Variants in KLF12 observed in about 807,000 individuals in gnomAD.
The protein encoded by KLF12 is KLF transcription factor 12.
KLF12 carries 9 observed loss-of-function variants against 37.8 expected under a neutral mutation model. That is an observed-to-expected ratio of 0.24 (90% CI 0.14 to 0.42). The LOEUF is 0.42. Ranked by LOEUF, KLF12 falls within the 10% of genes least tolerant of loss-of-function variation. The pLI, the probability that KLF12 is intolerant of heterozygous loss-of-function variation, is 1.00. For missense variants in KLF12, 411 were observed against 516.0 expected (o/e 0.80, Z 1.97); for synonymous variants, 208 against 202.1 (o/e 1.03, Z -0.25).
intron 1 of KLF12, among the ~76,000 whole-genome samples, chr13:74,043,055 T>C (rs894313320): frequency 6.6e-6 from 1 of 152,128 alleles, no homozygotes; most frequent in African/African-American, 2.4e-5. Flanking sequence ...ATAAATAAGA[T>C]CGGACAGACT....
chr13:73,998,490 T>C (rs1336520750), intron 1 of KLF12, among the ~76,000 whole-genome samples: 3 of 152,232 alleles, frequency 2.0e-5, no homozygotes, highest in Non-Finnish European at 2.9e-5. Flanking sequence ...GATATAGTTA[T>C]CTTATTTGGA....
intron 3 of KLF12, among the ~76,000 whole-genome samples, chr13:73,898,654 G>A (rs1887900103): frequency 6.6e-6 from 1 of 152,106 alleles, no homozygotes; most frequent in Non-Finnish European, 1.5e-5. Context: ...GGACAAGGAG[G>A]GGCTTACCCT....
chr13:74,077,481 G>A lies in KLF12; in HGVS notation c.-32+56258C>T, dbSNP rs183577626. ...CTTATAATTAACAGTATAATAATTAGGGGGCAGGGGATGAAATGTGATTAA... is the reference window on the plus strand; with the variant it reads ...CTTATAATTAACAGTATAATAATTAAGGGGCAGGGGATGAAATGTGATTAA... On this transcript the variant is annotated intron_variant, in intron 1 of 7. Coordinates refer to ENST00000377669, the MANE Select transcript of KLF12 (RefSeq NM_007249.5). 2.5e-3 allele frequency among the ~76,000 whole-genome samples: 381 copies of A among 152,192 alleles called. 4 individuals are homozygous for A. Among genetic ancestry groups the A allele is most frequent in the African/African-American group, 8.8e-3 (366 of 41,510 alleles).
At chr13:74,253,102 A>G in the KLF12 span, among the ~76,000 whole-genome samples, 2 of 152,172 alleles carry the variant, frequency 1.3e-5, no homozygotes, top group African/African-American at 4.8e-5. Context: ...ACTGTCATCT[A>G]TCCACCCATT....
chr13:74,201,703 G>A, the KLF12 span, among the ~76,000 whole-genome samples: 1 of 152,136 alleles, frequency 6.6e-6, no homozygotes, highest in African/African-American at 2.4e-5. Flanking sequence ...CAGGAGTTGG[G>A]AAATCCAGGC....
chr13:74,287,388 GA>G, the KLF12 span, among the ~76,000 whole-genome samples: 1 of 151,226 alleles, frequency 6.6e-6, no homozygotes, highest in African/African-American at 2.4e-5. Context: ...GAGAGAGAGA[GA>G]GAGAGAATCC....
chr13:73,714,443 G>C (rs1875643458), intron 7 of KLF12, among the ~76,000 whole-genome samples: 1 of 152,246 alleles, frequency 6.6e-6, no homozygotes, highest in African/African-American at 2.4e-5. Context: ...GAAGCTTCCA[G>C]TCAGTGGCAG....
intron 1 of KLF12, among the ~76,000 whole-genome samples, chr13:74,022,724 C>A (rs957054829): frequency 6.6e-6 from 1 of 151,810 alleles, no homozygotes; most frequent in Non-Finnish European, 1.5e-5. Flanking sequence ...CCTGCACCCA[C>A]CTGCAGTGAC....
At chr13:73,917,430 T>C (rs1888900819) in intron 3 of KLF12, among the ~76,000 whole-genome samples, 1 of 152,172 alleles carries the variant, frequency 6.6e-6, no homozygotes, top group Non-Finnish European at 1.5e-5. Flanking sequence ...TGCTTAGAAA[T>C]CTATTATTTT....
At chr13:74,263,908 G>T in the KLF12 span, among the ~76,000 whole-genome samples, 1 of 152,010 alleles carries the variant, frequency 6.6e-6, no homozygotes, top group Non-Finnish European at 1.5e-5. Context: ...CAATTATTTT[G>T]GGTGCTTTAT....
chr13:73,898,972 G>A (rs1398466375), intron 3 of KLF12, among the ~76,000 whole-genome samples: 1 of 152,210 alleles, frequency 6.6e-6, no homozygotes, highest in Non-Finnish European at 1.5e-5. Flanking sequence ...ATCCAGCCAT[G>A]CCAGGCAACT....
intron 1 of KLF12, among the ~76,000 whole-genome samples, chr13:74,074,748 AG>A (rs769846782): frequency 7.9e-5 from 12 of 152,322 alleles, no homozygotes; most frequent in South Asian, 2.1e-4. Flanking sequence ...TTCATGGAGA[AG>A]GGATACCAAA....
At chr13:73,975,083 T>C in intron 2 of KLF12, among the ~76,000 whole-genome samples, 1 of 152,196 alleles carries the variant, frequency 6.6e-6, no homozygotes, top group East Asian at 1.9e-4. Context: ...ATTATTCCAT[T>C]AGTAAAAGAT....
At position 73,695,306 on chromosome 13, in the gene KLF12, T is replaced by G; in HGVS notation, c.*184A>C. The G allele has an allele frequency of 1.7e-6, 1 of 590,676 alleles. No homozygotes were observed. The highest frequency in any genetic ancestry group is 3.0e-6 in the Non-Finnish European group (1 of 337,974). 36.6% of individuals were successfully genotyped at this position (590,676 alleles called of 1,614,324 possible). A position where few individuals can be genotyped will look rare whatever the true frequency, so the allele number is the denominator to read the frequency against. On this transcript the variant is annotated 3_prime_UTR_variant, in exon 8 of 8. Transcript: ENST00000377669. ...CAGGCCCGGGTAAAGACGGTTCTCGTCTAGTCATGATGGGGGTTACCTTCA... is the reference window on the plus strand; with the variant it reads ...CAGGCCCGGGTAAAGACGGTTCTCGGCTAGTCATGATGGGGGTTACCTTCA...
intron 4 of KLF12, among the ~76,000 whole-genome samples, chr13:73,814,798 A>G (rs1449099833): frequency 6.6e-6 from 1 of 152,070 alleles, no homozygotes; most frequent in Non-Finnish European, 1.5e-5. Flanking sequence ...TAGTGGGCAG[A>G]CGCTAAGGAT....
chr13:74,180,287 T>C, the KLF12 span, among the ~76,000 whole-genome samples: 1 of 152,206 alleles, frequency 6.6e-6, no homozygotes, highest in African/African-American at 2.4e-5. Context: ...TTTAGGGAAA[T>C]GCTTGGTCTG....
chr13:73,744,350 T>G (rs1878216387), intron 6 of KLF12, among the ~76,000 whole-genome samples: 1 of 152,172 alleles, frequency 6.6e-6, no homozygotes, highest in Non-Finnish European at 1.5e-5. Context: ...TACTACCTAT[T>G]GTGAATGTCG....
the KLF12 span, among the ~76,000 whole-genome samples, chr13:74,227,002 CTT>C: frequency 2.6e-5 from 4 of 152,154 alleles, no homozygotes; most frequent in South Asian, 6.2e-4. Context: ...TGCTCAGACT[CTT>C]TGTCTTAATT....
In KLF12 at chr13:73,877,613, G is replaced by C. The variant is rs1297794023; in HGVS notation, c.124-31240C>G. Among the ~76,000 whole-genome samples, 3 of 152,290 alleles carry C rather than the reference G, an allele frequency of 2.0e-5. No individual in the cohort carries two copies. In the East Asian group the frequency reaches 5.8e-4, roughly 29 times the overall value. ...GTTGATATTGACAGGTTGGCTGTCA[G>C]TCTACTGGTGTTTTCTTTGTAAACT... On this transcript the variant is annotated intron_variant, in intron 3 of 7. Coordinates refer to ENST00000377669, the MANE Select transcript of KLF12 (RefSeq NM_007249.5).
Sources: allele counts gnomAD v4.1 joint callset (sites outside exome capture counted in the v4.1 genomes callset), GRCh38; gene constraint gnomAD v4.1.1; transcripts MANE v1.5; gene names NCBI Gene and HGNC (gene_info 2026-07-23, HGNC 2026-07-21).